AGBL1: variants seen among roughly 807,000 people sequenced by gnomAD.
AGBL1 encodes the protein cytosolic carboxypeptidase 4.
In AGBL1, 130 loss-of-function variants were observed where a neutral mutation model predicts 118.9. The observed-to-expected ratio is 1.09, with a 90% CI of 0.95 to 1.26. AGBL1 has a LOEUF of 1.26. Among genes scored for constraint, AGBL1 ranks in the 50% most tolerant of loss-of-function variants. The pLI is 0.00. For missense variants in AGBL1, 1,584 were observed against 1,298.1 expected (o/e 1.22, Z -3.38); for synonymous variants, 555 against 478.9 (o/e 1.16, Z -2.08).
intron 16 of AGBL1, among the ~76,000 whole-genome samples, chr15:86,284,851 C>T (rs1054837969): frequency 6.6e-6 from 1 of 152,186 alleles, no homozygotes. Flanking sequence ...TGGAGAGACA[C>T]AGGATGAGGC....
In AGBL1 at chr15:87,002,876, G is replaced by C. The variant is rs532259539; in HGVS notation, c.3323+14788G>C. On this transcript the variant is annotated intron_variant, in intron 24 of 24. Transcript: ENST00000441037. ...TTGCTTATCAGCTTAAGAAGATTTT[G>C]GGCTGAGACAATGGGGTTTTCTAGA... 7.9e-5 allele frequency among the ~76,000 whole-genome samples: 12 copies of C among 152,216 alleles called. No homozygotes were observed. In the East Asian group the frequency reaches 2.3e-3, roughly 29 times the overall value.
intron 5 of AGBL1, among the ~76,000 whole-genome samples, chr15:86,179,234 T>C (rs572897295): frequency 6.6e-6 from 1 of 152,340 alleles, no homozygotes; most frequent in East Asian, 1.9e-4. Flanking sequence ...AGAAAGGCCA[T>C]TTTCTTTGTA....
At chr15:86,755,861 T>C (rs577651232) in intron 22 of AGBL1, among the ~76,000 whole-genome samples, 3 of 152,244 alleles carry the variant, frequency 2.0e-5, no homozygotes, top group African/African-American at 7.2e-5. Context: ...TGAGGTAGTG[T>C]TGGGGAGGAG....
chr15:86,988,421 G>A (rs1404234890), intron 24 of AGBL1: 4 of 180,850 alleles, frequency 2.2e-5, no homozygotes, highest in Non-Finnish European at 4.6e-5. Context: ...ATTGGTAAAT[G>A]TCTTGCTTGC....
At chr15:86,610,655 A>G (rs1373705890) in intron 21 of AGBL1, among the ~76,000 whole-genome samples, 1 of 152,190 alleles carries the variant, frequency 6.6e-6, no homozygotes, top group Non-Finnish European at 1.5e-5. Flanking sequence ...AATAAAAGGA[A>G]TGTTTCTGAT....
chr15:86,477,050 C>A, intron 18 of AGBL1, among the ~76,000 whole-genome samples: 2 of 152,250 alleles, frequency 1.3e-5, no homozygotes, highest in South Asian at 4.1e-4. Flanking sequence ...AAACACACAA[C>A]ATACCAGAAT....
intron 17 of AGBL1, among the ~76,000 whole-genome samples, chr15:86,351,049 G>A (rs1387415492): frequency 2.0e-5 from 3 of 152,216 alleles, no homozygotes; most frequent in Admixed American, 2.0e-4. Flanking sequence ...TAAGCACTTT[G>A]TGCATAGTTA....
At chr15:86,756,841 G>T (rs947920404) in intron 22 of AGBL1, among the ~76,000 whole-genome samples, 7 of 151,990 alleles carry the variant, frequency 4.6e-5, no homozygotes, top group Non-Finnish European at 8.8e-5. Context: ...TAGGATAATT[G>T]GAAGACACTT....
At chr15:86,187,443 A>T (rs1050209548) in intron 5 of AGBL1, among the ~76,000 whole-genome samples, 1 of 152,170 alleles carries the variant, frequency 6.6e-6, no homozygotes, top group Non-Finnish European at 1.5e-5. Context: ...AAGCCCCTCA[A>T]ACTATTGAAA....
chr15:86,736,259 A>T lies in AGBL1; in HGVS notation c.3158+61823A>T, dbSNP rs182120806. On this transcript the variant is annotated intron_variant, in intron 22 of 22. Transcript: ENST00000614907. The stretch of plus-strand genomic sequence containing the variant: ...GCTGGGTGCGGTGGTGCATGCCTGT[A>T]AGCCCAGCTACTCAGGAGGCTGAGG... Among the ~76,000 whole-genome samples, 1,309 of 152,190 alleles carry T rather than the reference A, an allele frequency of 8.6e-3. 10 individuals are homozygous for T. Among genetic ancestry groups the T allele is most frequent in the Non-Finnish European group, 0.015 (1,001 of 68,004 alleles).
At position 86,294,989 on chromosome 15, in the gene AGBL1, C is replaced by T. The variant is rs546725684; in HGVS notation, c.2221-266C>T. Among the ~76,000 whole-genome samples the T allele has an allele frequency of 1.2e-4, 19 of 152,248 alleles. No individual in the cohort carries two copies. The East Asian group carries it at 3.7e-3, about 29-fold the overall frequency. ...TAGGAAGAGGGCTTTATGCCCCTGC[C>T]CTCCTCCCTCTTGCTTTCAGTGCAA... On this transcript the variant is annotated intron_variant, in intron 16 of 22. Coordinates refer to ENST00000614907, the MANE Select transcript of AGBL1 (RefSeq NM_001386094.1).
At chr15:86,588,277 G>A (rs1255862491) in intron 21 of AGBL1, among the ~76,000 whole-genome samples, 1 of 152,150 alleles carries the variant, frequency 6.6e-6, no homozygotes, top group East Asian at 1.9e-4. Context: ...GTTATATTTA[G>A]AGAGCCTTGA....
intron 5 of AGBL1, among the ~76,000 whole-genome samples, chr15:86,223,378 A>T (rs886687168): frequency 2.6e-5 from 4 of 152,072 alleles, no homozygotes; most frequent in African/African-American, 9.7e-5. Context: ...TTTTGATGAA[A>T]TTAATTAGGC....
intron 24 of AGBL1, among the ~76,000 whole-genome samples, chr15:87,024,767 A>T (rs2081708124): frequency 6.6e-6 from 1 of 152,078 alleles, no homozygotes; most frequent in South Asian, 2.1e-4. Context: ...CCAACAATAT[A>T]TCAAAAAGAA....
intron 22 of AGBL1, among the ~76,000 whole-genome samples, chr15:86,726,616 C>T (rs982766138): frequency 6.6e-6 from 1 of 152,138 alleles, no homozygotes; most frequent in African/African-American, 2.4e-5. Flanking sequence ...AGGTGGAGTG[C>T]AGTGGTACAG....
intron 17 of AGBL1, among the ~76,000 whole-genome samples, chr15:86,345,450 G>T (rs780785612): frequency 1.3e-5 from 2 of 152,122 alleles, no homozygotes; most frequent in Non-Finnish European, 1.5e-5. Flanking sequence ...ATTTATTTTC[G>T]TATGAACATA....
At chr15:86,548,126 A>G (rs1389254271) in intron 20 of AGBL1, among the ~76,000 whole-genome samples, 1 of 152,098 alleles carries the variant, frequency 6.6e-6, no homozygotes, top group African/African-American at 2.4e-5. Flanking sequence ...ATTGAGACTC[A>G]GGGGAGAATG....
chr15:87,004,083 G>T (rs1001889682), intron 24 of AGBL1, among the ~76,000 whole-genome samples: 8 of 152,086 alleles, frequency 5.3e-5, no homozygotes, highest in African/African-American at 1.9e-4. Flanking sequence ...GATCTTTCCT[G>T]CTTTCTCTTG....
intron 22 of AGBL1, among the ~76,000 whole-genome samples, chr15:86,743,195 A>C (rs192185278): frequency 6.6e-6 from 1 of 152,132 alleles, no homozygotes; most frequent in Non-Finnish European, 1.5e-5. Context: ...TAGTTTTATT[A>C]AGGTGTAATT....
Sources: allele counts gnomAD v4.1 joint callset (sites outside exome capture counted in the v4.1 genomes callset), GRCh38; gene constraint gnomAD v4.1.1; transcripts MANE v1.5; gene names NCBI Gene and HGNC (gene_info 2026-07-23, HGNC 2026-07-21).